The following DLGAP2 variants were observed in gnomAD, a reference collection of about 807,000 sequenced individuals.
DLGAP2 encodes the protein DLG associated protein 2, also known as disks large-associated protein 2.
DLGAP2 carries 26 observed loss-of-function variants against 100.3 expected under a neutral mutation model. That is an observed-to-expected ratio of 0.26 (90% CI 0.19 to 0.36). The LOEUF is 0.36. Among genes scored for constraint, DLGAP2 ranks in the 10% least tolerant of loss-of-function variants. The pLI, the probability that DLGAP2 is intolerant of heterozygous loss-of-function variation, is 1.00. For synonymous variants in DLGAP2, 886 were observed against 630.1 expected (o/e 1.41, Z -6.08); for missense variants, 1,858 against 1,453.2 (o/e 1.28, Z -4.53).
chr8:1,484,353 T>C (rs971898589), intron 3 of DLGAP2, among the ~76,000 whole-genome samples: 6 of 152,246 alleles, frequency 3.9e-5, no homozygotes, highest in African/African-American at 1.4e-4. Flanking sequence ...AAAACATCCA[T>C]GATTATTTTA....
chr8:1,695,631 G>A (rs913982336), intron 13 of DLGAP2, among the ~76,000 whole-genome samples: 13 of 152,112 alleles, frequency 8.5e-5, no homozygotes, highest in Admixed American at 1.3e-4. Flanking sequence ...AGCCATGCCC[G>A]GCACTACAGA....
At chr8:1,615,356 A>T (rs539382366) in intron 6 of DLGAP2, among the ~76,000 whole-genome samples, 1 of 152,300 alleles carries the variant, frequency 6.6e-6, no homozygotes, top group Non-Finnish European at 1.5e-5. Flanking sequence ...AGGAGGGAGC[A>T]GGTGCCGGGG....
intron 4 of DLGAP2, among the ~76,000 whole-genome samples, chr8:1,516,363 GTGAA>G (rs1800381684): frequency 1.3e-5 from 2 of 151,810 alleles, no homozygotes; most frequent in South Asian, 2.1e-4. Context: ...AAGGGAGGGA[GTGAA>G]TGAGTGAGTG....
At chr8:1,470,744 A>ACCC (rs1798758249) in intron 3 of DLGAP2, among the ~76,000 whole-genome samples, 1 of 254 alleles carries the variant, frequency 3.9e-3, no homozygotes, top group Non-Finnish European at 0.012. Flanking sequence ...CCCTTCCCCG[A>ACCC]CTCCTTCCCC....
chr8:1,623,129 C>G (rs1387074549), intron 6 of DLGAP2, among the ~76,000 whole-genome samples: 2 of 152,228 alleles, frequency 1.3e-5, no homozygotes, highest in African/African-American at 4.8e-5. Context: ...TATTTTTTAA[C>G]TATTTAAAAA....
chr8:1,604,701 G>A (rs551324347), intron 6 of DLGAP2: 2 of 152,214 alleles, frequency 1.3e-5, no homozygotes, highest in Non-Finnish European at 2.9e-5. Flanking sequence ...ATTGGGATTT[G>A]CAAAACCATC....
At chr8:1,479,032 C>T (rs919569599) in intron 3 of DLGAP2, among the ~76,000 whole-genome samples, 3 of 152,256 alleles carry the variant, frequency 2.0e-5, no homozygotes, top group Non-Finnish European at 2.9e-5. Context: ...CTGAAACAAT[C>T]GAAAGGAGCA....
intron 1 of DLGAP2, among the ~76,000 whole-genome samples, chr8:881,668 C>CATACACAT (rs765611305): frequency 7.4e-5 from 9 of 121,072 alleles, no homozygotes; most frequent in African/African-American, 2.4e-4. Context: ...TGTGGCTGAA[C>CATACACAT]ACACACACAC....
At chr8:976,337 C>T (rs550990506) in intron 2 of DLGAP2, among the ~76,000 whole-genome samples, 8 of 152,116 alleles carry the variant, frequency 5.3e-5, no homozygotes, top group East Asian at 1.9e-4. Flanking sequence ...GCAGGCCGGG[C>T]GTGATGGTTC....
At chr8:1,114,972 T>C (rs1428352553) in intron 2 of DLGAP2, among the ~76,000 whole-genome samples, 1 of 152,194 alleles carries the variant, frequency 6.6e-6, no homozygotes, top group Non-Finnish European at 1.5e-5. Context: ...TTCAGGAGGA[T>C]GTTGTGTAAT....
chr8:1,606,956 A>G (rs1796820156), intron 6 of DLGAP2, among the ~76,000 whole-genome samples: 1 of 152,194 alleles, frequency 6.6e-6, no homozygotes, highest in Non-Finnish European at 1.5e-5. Context: ...AAGTGCTGGG[A>G]TTACAGGCGT....
intron 2 of DLGAP2, among the ~76,000 whole-genome samples, chr8:1,126,561 A>G (rs2336701): frequency 0.89 from 135,736 of 151,680 alleles, 60,900 homozygotes; most frequent in Middle Eastern, 0.95. Flanking sequence ...CCTGGTGGTG[A>G]GATCAGAGGC....
chr8:843,330 T>C (rs1414194477), intron 1 of DLGAP2, among the ~76,000 whole-genome samples: 3 of 152,236 alleles, frequency 2.0e-5, no homozygotes, highest in African/African-American at 7.2e-5. Flanking sequence ...AGTCCTATTA[T>C]CATCTCAGGG....
intron 2 of DLGAP2, among the ~76,000 whole-genome samples, chr8:1,200,276 G>T (rs367985594): frequency 6.6e-6 from 1 of 152,166 alleles, no homozygotes; most frequent in Non-Finnish European, 1.5e-5. Context: ...TTCATGCGCC[G>T]TCTCCAGCCT....
chr8:1,253,647 G>A (rs188051261), intron 2 of DLGAP2, among the ~76,000 whole-genome samples: 2 of 151,922 alleles, frequency 1.3e-5, no homozygotes, highest in East Asian at 1.9e-4. Flanking sequence ...TTCTCAGCGG[G>A]CTGCGTGTGG....
intron 3 of DLGAP2, among the ~76,000 whole-genome samples, chr8:1,318,585 A>AG (rs1163703627): frequency 6.6e-6 from 1 of 151,540 alleles, no homozygotes; most frequent in Non-Finnish European, 1.5e-5. Flanking sequence ...TTTATCACCT[A>AG]GGGGAACAGA....
chr8:1,296,012 G>A (rs1012861559), intron 3 of DLGAP2: 5 of 152,214 alleles, frequency 3.3e-5, no homozygotes, highest in Admixed American at 2.0e-4. Flanking sequence ...CACCGAGCGC[G>A]TTAATGAAAT....
At position 1,679,586 on chromosome 8, in the gene DLGAP2, C is replaced by G. The variant is rs1441883304; in HGVS notation, c.2704+957C>G. 2.6e-5 allele frequency among the ~76,000 whole-genome samples: 4 copies of G among 152,244 alleles called. No individual in the cohort carries two copies. In the East Asian group the frequency reaches 7.7e-4, roughly 29 times the overall value. ...ACCAGTGTCACCAGGGCAGATCTGT[C>G]CCAGTCCCGTTGGTACTCACCTATG... On this transcript the variant is annotated intron_variant, in intron 12 of 14. Transcript: ENST00000637795.
chr8:925,273 T>G (rs558860212), intron 2 of DLGAP2, among the ~76,000 whole-genome samples: 1 of 152,278 alleles, frequency 6.6e-6, no homozygotes, highest in Non-Finnish European at 1.5e-5. Flanking sequence ...GCTCAGCTAA[T>G]TTTTATTTTT....
Sources: allele counts gnomAD v4.1 joint callset (sites outside exome capture counted in the v4.1 genomes callset), GRCh38; gene constraint gnomAD v4.1.1; transcripts MANE v1.5; gene names NCBI Gene and HGNC (gene_info 2026-07-23, HGNC 2026-07-21).